The following CMKLR1 variants were observed in gnomAD, a reference collection of about 807,000 sequenced individuals.
The protein encoded by CMKLR1 is chemerin chemokine-like receptor 1, also known as chemerin-like receptor 1.
CMKLR1 carries 6 observed loss-of-function variants against 8.2 expected under a neutral mutation model. The observed-to-expected ratio is 0.73, with a 90% confidence interval of 0.40 to 1.44. CMKLR1 has a LOEUF of 1.44. Among genes scored for constraint, CMKLR1 ranks in the 40% most tolerant of loss-of-function variants. The pLI is 0.02. For synonymous variants in CMKLR1, 178 were observed against 181.2 expected (o/e 0.98, Z 0.14); for missense variants, 429 against 478.0 (o/e 0.90, Z 0.96).
chr12:108,307,769 C>T (rs530169105), intron 2 of CMKLR1, among the ~76,000 whole-genome samples: 16 of 152,338 alleles, frequency 1.1e-4, no homozygotes, highest in African/African-American at 3.8e-4. Context: ...TGGCCTCAGT[C>T]GGGACAGGGC....
At chr12:108,303,670 T>C (rs1326217554) in intron 2 of CMKLR1, among the ~76,000 whole-genome samples, 1 of 152,208 alleles carries the variant, frequency 6.6e-6, no homozygotes, top group Non-Finnish European at 1.5e-5. Flanking sequence ...ACTCTGGCTT[T>C]TGCCCCAGTG....
At position 108,292,598 on chromosome 12, in the gene CMKLR1, T is replaced by C; in HGVS notation, c.365A>G (p.Asn122Ser). 1 of 1,614,034 alleles carries C rather than the reference T, an allele frequency of 6.2e-7. No individual in the cohort carries two copies. Reference sequence around the variant, plus strand: ...CAGCAGGAAGACGCTGGTGAACATGTTGTGGATGAGAAGGAAGTTGCTGAT... The same window carrying C: ...CAGCAGGAAGACGCTGGTGAACATGCTGTGGATGAGAAGGAAGTTGCTGAT... ...CKISNFLLIHNMFTSVFLLTI... is the reference protein window; with the variant it reads ...CKISNFLLIHSMFTSVFLLTI... The change falls in exon 4 of 4, where the codon AAC (asparagine) becomes AGC (serine). Residue 122 changes from asparagine to serine, a missense_variant. By Grantham distance (46) the Asn-to-Ser change is conservative (BLOSUM62 1). Transcript: ENST00000550402.
chr12:108,328,911 C>A (rs144439796), intron 2 of CMKLR1, among the ~76,000 whole-genome samples: 44 of 152,310 alleles, frequency 2.9e-4, no homozygotes, highest in Admixed American at 9.8e-4. Context: ...CAAAAGGAAA[C>A]ACCTCATTTC....
intron 2 of CMKLR1, among the ~76,000 whole-genome samples, chr12:108,304,554 T>C (rs1420698350): frequency 1.3e-5 from 2 of 152,186 alleles, no homozygotes; most frequent in East Asian, 1.9e-4. Flanking sequence ...CTCTGTCTCA[T>C]ATCTGACTTG....
intron 2 of CMKLR1, among the ~76,000 whole-genome samples, chr12:108,306,967 C>T (rs1463654096): frequency 6.6e-6 from 1 of 152,152 alleles, no homozygotes. Flanking sequence ...AATAATGGGT[C>T]CCGTACACAA....
chr12:108,336,094 A>G (rs1474683746), intron 1 of CMKLR1, among the ~76,000 whole-genome samples: 3 of 152,232 alleles, frequency 2.0e-5, no homozygotes, highest in Non-Finnish European at 4.4e-5. Context: ...CCAAGACCCC[A>G]GTGTGAACAA....
At chr12:108,334,384 G>C (rs930879006) in intron 1 of CMKLR1, among the ~76,000 whole-genome samples, 7 of 152,192 alleles carry the variant, frequency 4.6e-5, no homozygotes, top group Non-Finnish European at 1.0e-4. Flanking sequence ...CCACTATGTG[G>C]CCAGCCCAGT....
rs749749938 is a variant in CMKLR1 at position 108,292,183 on chromosome 12, C to T, written c.780G>A (p.Lys260=). Residue 260 remains lysine, a synonymous_variant, in exon 4 of 4, where the codon AAG becomes AAA. Transcript: ENST00000550402. ...AGGTAATGATGATGGTCACAATAATCTTGAAGGGCTTCTTGGTCTTGGCCA... is the reference window on the plus strand; with the variant it reads ...AGGTAATGATGATGGTCACAATAATTTTGAAGGGCTTCTTGGTCTTGGCCA... ...NRLAKTKKPF[K]IIVTIIITFF... 17 of 1,614,016 alleles carry T rather than the reference C, an allele frequency of 1.1e-5. No individual in the cohort carries two copies. The South Asian group carries it at 1.9e-4, about 18-fold the overall frequency.
chr12:108,310,839 C>A (rs7131999), intron 2 of CMKLR1, among the ~76,000 whole-genome samples: 3 of 151,822 alleles, frequency 2.0e-5, no homozygotes, highest in African/African-American at 7.3e-5. Flanking sequence ...TTCAGCAAGG[C>A]GGGTAGGCAG....
intron 2 of CMKLR1, among the ~76,000 whole-genome samples, chr12:108,319,399 C>T (rs1055301853): frequency 2.0e-5 from 3 of 152,182 alleles, no homozygotes; most frequent in Non-Finnish European, 2.9e-5. Context: ...GCTAGGACTT[C>T]AACCCAAAAG....
chr12:108,309,433 G>A (rs1891493803), intron 2 of CMKLR1, among the ~76,000 whole-genome samples: 1 of 152,092 alleles, frequency 6.6e-6, no homozygotes, highest in South Asian at 2.1e-4. Flanking sequence ...AACAGCAGAT[G>A]CAAAGGCAGG....
At chr12:108,310,990 G>A (rs1891549260) in intron 2 of CMKLR1, among the ~76,000 whole-genome samples, 1 of 150,266 alleles carries the variant, frequency 6.7e-6, no homozygotes, top group South Asian at 2.2e-4. Flanking sequence ...GGGTGCAGAT[G>A]AAGGAGCAGT....
chr12:108,309,045 G>A (rs1891483453), intron 2 of CMKLR1, among the ~76,000 whole-genome samples: 1 of 152,204 alleles, frequency 6.6e-6, no homozygotes, highest in Non-Finnish European at 1.5e-5. Flanking sequence ...CCATGGGCAA[G>A]TCATCACACT....
Position 108,293,679 on chromosome 12 carries a change from A to G in CMKLR1, c.-73-15T>C. 5.0e-6 allele frequency: 7 copies of G among 1,411,060 alleles called. No homozygotes were observed. The highest frequency in any genetic ancestry group is 5.8e-6 in the Non-Finnish European group (6 of 1,039,990). 87.4% of individuals were successfully genotyped at this position (1,411,060 alleles called of 1,614,324 possible). A position where few individuals can be genotyped will look rare whatever the true frequency, so the allele number is the denominator to read the frequency against. On this transcript the variant is annotated splice_polypyrimidine_tract_variant and intron_variant, in intron 2 of 3. Coordinates refer to ENST00000550402, the MANE Select transcript of CMKLR1 (RefSeq NM_001142343.2). ...GCTAGAAACACCTGTAGGGAAAAAAAAAAAAAAAAAAGCAGCAATTGGATC... is the reference window on the plus strand; with the variant it reads ...GCTAGAAACACCTGTAGGGAAAAAAGAAAAAAAAAAAGCAGCAATTGGATC...
intron 2 of CMKLR1, among the ~76,000 whole-genome samples, chr12:108,321,851 C>G (rs1035392093): frequency 2.6e-5 from 4 of 152,200 alleles, no homozygotes; most frequent in African/African-American, 9.7e-5. Flanking sequence ...GTTTGAATAT[C>G]TGTCCCCTCC....
chr12:108,337,711 A>G (rs1593184008), intron 1 of CMKLR1, among the ~76,000 whole-genome samples: 1 of 152,300 alleles, frequency 6.6e-6, no homozygotes, highest in East Asian at 1.9e-4. Context: ...GGGGGAGTCC[A>G]AAGAAGGCCC....
At chr12:108,317,668 T>C (rs1282552197) in intron 2 of CMKLR1, among the ~76,000 whole-genome samples, 1 of 152,252 alleles carries the variant, frequency 6.6e-6, no homozygotes, top group East Asian at 1.9e-4. Flanking sequence ...ACAACACACA[T>C]ACTATTCACA....
intron 2 of CMKLR1, among the ~76,000 whole-genome samples, chr12:108,316,528 G>C (rs948941979): frequency 3.3e-5 from 5 of 152,132 alleles, no homozygotes; most frequent in Non-Finnish European, 7.4e-5. Flanking sequence ...GGTGAAGAAA[G>C]TCCCCAGGAA....
chr12:108,293,687 A>G, intron 2 of CMKLR1, 23 bp from the exon 3 acceptor site: 1 of 1,378,702 alleles, frequency 7.3e-7, no homozygotes, highest in Non-Finnish European at 9.9e-7. Context: ...AAAAAAAAAA[A>G]AAAGCAGCAA....
Sources: allele counts gnomAD v4.1 joint callset (sites outside exome capture counted in the v4.1 genomes callset), GRCh38; gene constraint gnomAD v4.1.1; transcripts MANE v1.5; gene names NCBI Gene and HGNC (gene_info 2026-07-23, HGNC 2026-07-21).